Variants in SLC16A3 observed in about 807,000 individuals in gnomAD.
SLC16A3 encodes the protein monocarboxylate transporter 4.
SLC16A3 carries 22 observed loss-of-function variants against 25.0 expected under a neutral mutation model. The ratio of observed to expected loss-of-function variants is 0.88; its 90% CI spans 0.63 to 1.26. SLC16A3 has a LOEUF of 1.26. Among genes scored for constraint, SLC16A3 ranks in the 50% most tolerant of loss-of-function variants. The pLI, the probability that SLC16A3 is intolerant of heterozygous loss-of-function variation, is 0.00. For missense variants in SLC16A3, 731 were observed against 666.6 expected (o/e 1.10, Z -1.06); for synonymous variants, 390 against 309.2 (o/e 1.26, Z -2.74).
upstream of SLC16A3, among the ~76,000 whole-genome samples, chr17:82,224,083 C>T (rs1221752761): frequency 1.4e-5 from 2 of 141,196 alleles, no homozygotes; most frequent in African/African-American, 5.4e-5. Flanking sequence ...TGCACAGACA[C>T]CTGTGCAGAC....
Position 82,235,783 on chromosome 17 carries a change from G to C in SLC16A3, c.-26-200G>C, listed in dbSNP as rs975776857. The C allele has an allele frequency of 2.2e-5, 13 of 593,438 alleles. No homozygotes were observed. In the East Asian group the frequency reaches 3.6e-4, roughly 17 times the overall value. 36.8% of individuals were successfully genotyped at this position (593,438 alleles called of 1,614,324 possible). ...TGAGGGTGCAGGAGGCAGTGCAGAG[G>C]GAGTGGGACCCACAGCTGCTAGCCT... On this transcript the variant is annotated intron_variant, in intron 1 of 4. Coordinates refer to ENST00000582743, the MANE Select transcript of SLC16A3 (RefSeq NM_004207.4).
chr17:82,220,544 G>C (rs930690811), intron 1 of SLC16A3, among the ~76,000 whole-genome samples: 20 of 152,110 alleles, frequency 1.3e-4, no homozygotes, highest in African/African-American at 4.6e-4. Context: ...GTGGAGGTGG[G>C]AGAATCACCT....
upstream of SLC16A3, chr17:82,228,367 G>C (rs1481325588): frequency 6.6e-6 from 1 of 152,252 alleles, no homozygotes; most frequent in African/African-American, 2.4e-5. Context: ...CGCAGGGCTG[G>C]AGTCGGTGGC....
chr17:82,228,980 G>A (rs1354804607), upstream of SLC16A3: 1 of 149,436 alleles, frequency 6.7e-6, no homozygotes, highest in African/African-American at 2.4e-5. Flanking sequence ...GGTGACGTGC[G>A]CGGGGGACGT....
intron 1 of SLC16A3, chr17:82,234,129 C>G (rs551492138): frequency 2.6e-5 from 4 of 152,260 alleles, no homozygotes; most frequent in Non-Finnish European, 5.9e-5. Flanking sequence ...CGTGAGCCAC[C>G]GCGCCCGGCC....
chr17:82,237,268 G>A lies in SLC16A3; in HGVS notation c.498G>A (p.Leu166=). 2 of 1,564,916 alleles carry A rather than the reference G, an allele frequency of 1.3e-6. No individual in the cohort carries two copies. Among genetic ancestry groups the A allele is most frequent in the South Asian group, 2.3e-5 (2 of 85,340 alleles). The part of the protein sequence containing the change: ...SPVFLCALSP[L]GQLLQDRYGW... ...TCTTCCTGTGTGCCCTGAGCCCGCTGGGGCAGCTGCTGCAGGACCGCTACG... is the reference window on the plus strand; with the variant it reads ...TCTTCCTGTGTGCCCTGAGCCCGCTAGGGCAGCTGCTGCAGGACCGCTACG... The change falls in exon 4 of 5, where the codon CTG becomes CTA. Residue 166 remains leucine, a synonymous_variant. Transcript: ENST00000582743.
At chr17:82,236,255 C>G (rs2050599246) in intron 2 of SLC16A3, 24 bp downstream of exon 2, 2 of 1,601,526 alleles carry the variant, frequency 1.2e-6, no homozygotes, top group Admixed American at 1.7e-5. Flanking sequence ...CACACCGGGC[C>G]CCCTGTCCGG....
Position 82,237,139 on chromosome 17 carries a change from GTTGGGT to G in SLC16A3, c.374_379del (p.Gly125_Leu126del), listed in dbSNP as rs2050623624. 6.7e-7 allele frequency: 1 copy of G among 1,503,348 alleles called. No homozygotes were observed. Among genetic ancestry groups the G allele is most frequent in the Non-Finnish European group, 8.9e-7 (1 of 1,124,246 alleles). The allele number at this position is 1,503,348 out of a possible 1,614,324, so 93.1% of individuals were successfully genotyped here. ...CTCACCACATTCCCTTTCCTCCAGG[GTTGGGT>G]TTGGCACTCAACTTCCAGCCCTCGC... On this transcript the variant is annotated inframe_deletion and splice_region_variant, in exon 4 of 5. Coordinates refer to ENST00000582743, the MANE Select transcript of SLC16A3 (RefSeq NM_004207.4).
chr17:82,230,417 G>C (rs1413058753), intron 1 of SLC16A3: 1 of 152,416 alleles, frequency 6.6e-6, no homozygotes, highest in East Asian at 1.9e-4. Context: ...TGTGACCTTG[G>C]GCAGGGCCCG....
At chr17:82,236,998 G>A (rs1206679201) in intron 3 of SLC16A3, 126 bp downstream of exon 3, 22 of 1,470,988 alleles carry the variant, frequency 1.5e-5, no homozygotes, top group African/African-American at 2.8e-5. Context: ...GCCCCACCTC[G>A]TTGTCCCCCT....
chr17:82,239,712 G>C lies in SLC16A3; in HGVS notation c.*736G>C. 1 of 369,198 alleles carries C rather than the reference G, an allele frequency of 2.7e-6. No individual in the cohort carries two copies. Among genetic ancestry groups the C allele is most frequent in the Non-Finnish European group, 4.8e-6 (1 of 207,676 alleles). The allele number at this position is 369,198 out of a possible 1,614,324, so 22.9% of individuals were successfully genotyped here. ...TGTGCCAGGGAGCCCCTACGTGGTG[G>C]TTAGATGGGAGCTGAGGTGGAACAA... is the stretch of plus-strand genomic sequence containing the variant. On this transcript the variant is annotated 3_prime_UTR_variant, in exon 5 of 5. Coordinates refer to ENST00000582743, the MANE Select transcript of SLC16A3 (RefSeq NM_004207.4).
chr17:82,238,002 T>A, intron 4 of SLC16A3, 109 bp downstream of exon 4: 1 of 1,310,796 alleles, frequency 7.6e-7, no homozygotes, highest in Non-Finnish European at 1.0e-6. Flanking sequence ...AGTGTGGGAC[T>A]CAGAGCTGGA....
In SLC16A3 at chr17:82,237,609, C is replaced by T. The variant is rs776036203; in HGVS notation, c.839C>T (p.Ala280Val). 2.5e-6 allele frequency: 4 copies of T among 1,612,488 alleles called. No individual in the cohort carries two copies. In the South Asian group the frequency reaches 3.3e-5, roughly 13 times the overall value. The change falls in exon 4 of 5, where the codon GCC (alanine) becomes GTC (valine). Residue 280 changes from alanine to valine, a missense_variant. Transcript: ENST00000582743. ...LGFIDIFARP[A>V]AGFVAGLGKV... Reference sequence around the variant, plus strand: ...TTCATTGACATCTTCGCGCGGCCGGCCGCGGGCTTCGTGGCGGGGCTTGGG... The same window carrying T: ...TTCATTGACATCTTCGCGCGGCCGGTCGCGGGCTTCGTGGCGGGGCTTGGG...
chr17:82,224,062 C>G (rs1374257076), upstream of SLC16A3, among the ~76,000 whole-genome samples: 2 of 145,130 alleles, frequency 1.4e-5, no homozygotes, highest in African/African-American at 5.2e-5. Context: ...GCAGACACAC[C>G]CCCACACCCG....
In SLC16A3 at chr17:82,237,461, T is replaced by C; in HGVS notation, c.691T>C (p.Tyr231His). ...CTTCCGGGACCGCGGCTTTGTGCTT[T>C]ACGCCGTGGCCGCCTCGGTCATGGT... is the stretch of plus-strand genomic sequence containing the variant. The part of the protein sequence containing the change: ...SVFRDRGFVL[Y>H]AVAASVMVLG... The change falls in exon 4 of 5, where the codon TAC (tyrosine) becomes CAC (histidine). Residue 231 changes from tyrosine (Y) to histidine (H), a missense_variant. Transcript: ENST00000582743. 3 of 1,606,454 alleles carry C rather than the reference T, an allele frequency of 1.9e-6. No homozygotes were observed. The highest frequency in any genetic ancestry group is 2.5e-6 in the Non-Finnish European group (3 of 1,178,318).
At chr17:82,238,256 G>A (rs906334807) in intron 4 of SLC16A3, among the ~76,000 whole-genome samples, 4 of 152,220 alleles carry the variant, frequency 2.6e-5, no homozygotes, top group African/African-American at 9.6e-5. Flanking sequence ...ACACGTGAGG[G>A]AAATTAAGTT....
In SLC16A3 at chr17:82,237,833, G is replaced by T; in HGVS notation, c.1063G>T (p.Ala355Ser). 6.2e-7 allele frequency: 1 copy of T among 1,608,036 alleles called. No individual in the cohort carries two copies. The highest frequency in any genetic ancestry group is 2.2e-5 in the East Asian group (1 of 44,874). ...AIVGTHKFSS[A>S]IGLVLLMEAV... is the part of the protein sequence containing the mutation. ...CGTGGGCACCCACAAGTTCTCCAGT[G>T]CCATTGGCCTGGTGCTGCTGATGGA... Residue 355 changes from alanine (A) to serine (S), a missense_variant, in exon 4 of 5, where the codon GCC becomes TCC. Physicochemically the swap from Ala to Ser is moderately conservative, Grantham distance 99 (BLOSUM62 1). Coordinates refer to ENST00000582743, the MANE Select transcript of SLC16A3 (RefSeq NM_004207.4).
upstream of SLC16A3, among the ~76,000 whole-genome samples, chr17:82,223,670 G>A (rs527610503): frequency 3.9e-5 from 6 of 152,034 alleles, no homozygotes; most frequent in African/African-American, 1.2e-4. Context: ...ATGCCACCAC[G>A]TGTGGCTAAT....
At position 82,237,710 on chromosome 17, in the gene SLC16A3, A is replaced by G; in HGVS notation, c.940A>G (p.Thr314Ala). 1 of 1,612,012 alleles carries G rather than the reference A, an allele frequency of 6.2e-7. No homozygotes were observed. The change falls in exon 4 of 5, where the codon ACG (threonine) becomes GCG (alanine). Residue 314 changes from threonine (T) to alanine (A), a missense_variant. Thr to Ala is a moderately conservative substitution (Grantham distance 58, BLOSUM62 0). Coordinates refer to ENST00000582743, the MANE Select transcript of SLC16A3 (RefSeq NM_004207.4). ...CGGCCTCGCGGACCTGGCGGGTTCT[A>G]CGGCGGGCGACTACGGCGGCCTCGT... ...FNGLADLAGS[T>A]AGDYGGLVVF...
Sources: allele counts gnomAD v4.1 joint callset (sites outside exome capture counted in the v4.1 genomes callset), GRCh38; gene constraint gnomAD v4.1.1; transcripts MANE v1.5; gene names NCBI Gene and HGNC (gene_info 2026-07-23, HGNC 2026-07-21).